The following C8orf74 variants were observed in gnomAD, a reference collection of about 807,000 sequenced individuals.
C8orf74 encodes the protein uncharacterized protein C8orf74.
A neutral mutation model predicts 22.2 loss-of-function variants in C8orf74; 29 were observed. The ratio of observed to expected loss-of-function variants is 1.31; its 90% CI spans 0.97 to 1.78. The LOEUF is 1.78. Among genes scored for constraint, C8orf74 ranks in the 40% most tolerant of loss-of-function variants. The pLI, the probability that C8orf74 is intolerant of heterozygous loss-of-function variation, is 0.00. For synonymous variants in C8orf74, 255 were observed against 163.1 expected (o/e 1.56, Z -4.30); for missense variants, 515 against 369.9 (o/e 1.39, Z -3.22).
At chr8:10,681,863 T>C (rs1040729951) in intron 2 of C8orf74, among the ~76,000 whole-genome samples, 1 of 151,912 alleles carries the variant, frequency 6.6e-6, no homozygotes, top group Non-Finnish European at 1.5e-5. Flanking sequence ...AGCGTCATGG[T>C]CCTGGCATCT....
chr8:10,677,247 G>T (rs1222835760), intron 2 of C8orf74, among the ~76,000 whole-genome samples: 1 of 152,128 alleles, frequency 6.6e-6, no homozygotes, highest in Non-Finnish European at 1.5e-5. Flanking sequence ...GCCTACAGCT[G>T]CCTTCCGCCC....
chr8:10,679,723 C>T (rs868587170), intron 2 of C8orf74, among the ~76,000 whole-genome samples: 10 of 152,246 alleles, frequency 6.6e-5, no homozygotes, highest in Admixed American at 2.0e-4. Flanking sequence ...TCTGCAGCTG[C>T]GTCCTCTCTG....
At chr8:10,676,634 C>A (rs1179497900) in intron 2 of C8orf74, among the ~76,000 whole-genome samples, 1 of 152,106 alleles carries the variant, frequency 6.6e-6, no homozygotes, top group Admixed American at 6.5e-5. Flanking sequence ...ACCCAGTGGT[C>A]CCAGCCTAAA....
At chr8:10,690,402 G>T (rs1799351368) in intron 2 of C8orf74, among the ~76,000 whole-genome samples, 1 of 152,144 alleles carries the variant, frequency 6.6e-6, no homozygotes, top group Non-Finnish European at 1.5e-5. Context: ...AGCACAAAGG[G>T]GGCAGGGGGC....
chr8:10,684,436 G>T (rs1799218865), intron 2 of C8orf74, among the ~76,000 whole-genome samples: 1 of 152,216 alleles, frequency 6.6e-6, no homozygotes. Context: ...GTCCATGACA[G>T]TCTTTAAAAC....
intron 2 of C8orf74, chr8:10,689,371 T>A (rs1208062537): frequency 1.3e-5 from 2 of 152,246 alleles, no homozygotes; most frequent in African/African-American, 4.8e-5. Flanking sequence ...GAGAGACTAC[T>A]TGCCCCAAAT....
Position 10,697,678 on chromosome 8 carries a change from G to A in C8orf74, c.321G>A (p.Leu107=), listed in dbSNP as rs770287247. The part of the protein sequence containing the change: ...DYRGHFNTTH[L]LALCDYFHHT... The stretch of plus-strand genomic sequence containing the variant: ...GGGGCCATTTCAACACCACCCACCT[G>A]CTGGCCCTCTGTGACTACTTCCACC... The change falls in exon 3 of 4, where the codon CTG becomes CTA. Residue 107 remains leucine (L), a synonymous_variant. Coordinates refer to ENST00000304519, the MANE Select transcript of C8orf74 (RefSeq NM_001040032.2). 8 of 1,613,966 alleles carry A rather than the reference G, an allele frequency of 5.0e-6. No homozygotes were observed. The East Asian group carries it at 1.6e-4, about 31-fold the overall frequency.
intron 3 of C8orf74, among the ~76,000 whole-genome samples, chr8:10,698,819 A>G (rs1489744959): frequency 6.6e-6 from 1 of 151,538 alleles, no homozygotes; most frequent in Non-Finnish European, 1.5e-5. Context: ...AGGGCCTGTG[A>G]GTTCCAAGGG....
intron 2 of C8orf74, among the ~76,000 whole-genome samples, chr8:10,694,988 G>C (rs574545834): frequency 6.6e-6 from 1 of 151,542 alleles, no homozygotes; most frequent in African/African-American, 2.4e-5. Flanking sequence ...GGATGGATAA[G>C]TGGAAGGATG....
intron 2 of C8orf74, among the ~76,000 whole-genome samples, chr8:10,683,495 G>A (rs1256472187): frequency 6.6e-6 from 1 of 152,210 alleles, no homozygotes; most frequent in East Asian, 1.9e-4. Flanking sequence ...CTCAGGCTGG[G>A]AATGGCACTG....
chr8:10,688,160 A>T (rs1373010849), intron 2 of C8orf74: 1 of 150,712 alleles, frequency 6.6e-6, no homozygotes, highest in African/African-American at 2.5e-5. Context: ...AGCCAAGATC[A>T]CGCCACTGCA....
chr8:10,683,052 CG>C (rs1799185610), intron 2 of C8orf74, among the ~76,000 whole-genome samples: 1 of 152,232 alleles, frequency 6.6e-6, no homozygotes, highest in Non-Finnish European at 1.5e-5. Context: ...ATTTGGACAA[CG>C]GGGACCTATC....
chr8:10,685,309 T>C (rs1337413810), intron 2 of C8orf74, among the ~76,000 whole-genome samples: 1 of 152,168 alleles, frequency 6.6e-6, no homozygotes, highest in Non-Finnish European at 1.5e-5. Flanking sequence ...CCCAAAAGAA[T>C]TGAAAGTGGA....
intron 2 of C8orf74, among the ~76,000 whole-genome samples, chr8:10,676,587 G>T (rs73200714): frequency 1.3e-5 from 2 of 152,086 alleles, no homozygotes; most frequent in African/African-American, 2.4e-5. Flanking sequence ...CGGCTGCCAG[G>T]TTCTCTTCCA....
At chr8:10,693,250 C>T (rs1799422469) in intron 2 of C8orf74, among the ~76,000 whole-genome samples, 1 of 152,218 alleles carries the variant, frequency 6.6e-6, no homozygotes, top group Admixed American at 6.5e-5. Context: ...CCCCCTCTTG[C>T]CTTGCCCTTC....
At chr8:10,681,501 G>A (rs370763023) in intron 2 of C8orf74, among the ~76,000 whole-genome samples, 4 of 152,114 alleles carry the variant, frequency 2.6e-5, no homozygotes, top group Admixed American at 1.3e-4. Context: ...TTGAGGAGCC[G>A]CAGAGATTTA....
At position 10,686,596 on chromosome 8, in the gene C8orf74, C is replaced by G. The variant is rs375431884; in HGVS notation, c.242-11003C>G. 6.9e-4 allele frequency: 106 copies of G among 153,886 alleles called. 2 individuals carry two copies. The South Asian group carries it at 0.019, about 28-fold the overall frequency. 9.5% of individuals were successfully genotyped at this position (153,886 alleles called of 1,614,324 possible). A position where few individuals can be genotyped will look rare whatever the true frequency, so the allele number is the denominator to read the frequency against. ...CTACAGCCACACCACCTTGAACATG[C>G]CTATCTTGTCTAGTCTTAGAAGCTA... On this transcript the variant is annotated intron_variant, in intron 2 of 3. Coordinates refer to ENST00000304519, the MANE Select transcript of C8orf74 (RefSeq NM_001040032.2).
intron 2 of C8orf74, chr8:10,691,311 G>A (rs1799376069): frequency 4.4e-6 from 1 of 226,250 alleles, no homozygotes; most frequent in African/African-American, 2.2e-5. Flanking sequence ...CACGGCTGCT[G>A]AGCACATTCA....
At chr8:10,699,152 C>A (rs1799598068) in intron 3 of C8orf74, among the ~76,000 whole-genome samples, 2 of 152,204 alleles carry the variant, frequency 1.3e-5, no homozygotes, top group African/African-American at 2.4e-5. Flanking sequence ...TGGGGCATGG[C>A]CACAGTGGCC....
Sources: gnomAD v4.1 joint callset for allele counts (sites outside exome capture counted in the v4.1 genomes callset) on GRCh38, gnomAD v4.1.1 for gene constraint, MANE v1.5 for transcripts, NCBI Gene and HGNC (gene_info 2026-07-23, HGNC 2026-07-21) for gene names.